Variants in WASL observed in about 807,000 individuals in gnomAD.
The protein encoded by WASL is WASP like actin nucleation promoting factor.
A neutral mutation model predicts 55.5 loss-of-function variants in WASL; 20 were observed. That is an observed-to-expected ratio of 0.36 (90% CI 0.25 to 0.52). The LOEUF (loss-of-function observed/expected upper bound fraction) is 0.52. WASL is among the 20% of genes least tolerant of loss of function. The probability of loss-of-function intolerance (pLI) is 0.92; values close to 1 mark genes in which losing one functional copy is unlikely to be tolerated. For missense variants in WASL, 504 were observed against 622.5 expected, an observed-to-expected ratio of 0.81 and a Z score of 2.03; for synonymous variants, 249 against 217.6, an observed-to-expected ratio of 1.14 and a Z score of -1.27.
chr7:123,719,768 T>C (rs1178320630), intron 1 of WASL, among the ~76,000 whole-genome samples: 5 of 152,158 alleles, frequency 3.3e-5, no homozygotes, highest in Non-Finnish European at 7.4e-5. Context: ...TGCAACATAT[T>C]TTCATACTGT....
intron 10 of WASL, among the ~76,000 whole-genome samples, chr7:123,686,304 T>C (rs1463564945): frequency 5.9e-5 from 9 of 152,086 alleles, no homozygotes; most frequent in Admixed American, 3.9e-4. Flanking sequence ...TGTTTACTCT[T>C]CTAGCAAGGG....
chr7:123,711,557 C>T (rs1803758284), intron 1 of WASL, among the ~76,000 whole-genome samples: 1 of 152,122 alleles, frequency 6.6e-6, no homozygotes, highest in Non-Finnish European at 1.5e-5. Flanking sequence ...ACCACAGCAC[C>T]TTGTAAAGCC....
chr7:123,707,509 C>A (rs995633540), intron 2 of WASL, among the ~76,000 whole-genome samples: 3 of 152,042 alleles, frequency 2.0e-5, no homozygotes, highest in Non-Finnish European at 4.4e-5. Flanking sequence ...AATCTTAATA[C>A]CAAAGGTGAC....
chr7:123,711,643 A>ATAAT (rs1803760088), intron 1 of WASL, among the ~76,000 whole-genome samples: 3 of 152,214 alleles, frequency 2.0e-5, no homozygotes, highest in Admixed American at 2.0e-4. Context: ...AATGCTAGAC[A>ATAAT]ATATAAAAAC....
At chr7:123,745,652 G>A (rs1804418944) in intron 1 of WASL, among the ~76,000 whole-genome samples, 1 of 152,046 alleles carries the variant, frequency 6.6e-6, no homozygotes, top group African/African-American at 2.4e-5. Context: ...AAATAGACAT[G>A]TCCAAGCTTC....
intron 5 of WASL, among the ~76,000 whole-genome samples, chr7:123,697,240 G>C (rs932738077): frequency 6.6e-5 from 10 of 152,086 alleles, no homozygotes; most frequent in Non-Finnish European, 1.3e-4. Context: ...ATTTTTTCCA[G>C]AACTGGCATC....
chr7:123,703,523 T>C (rs1051214447), intron 5 of WASL, among the ~76,000 whole-genome samples: 2 of 152,178 alleles, frequency 1.3e-5, no homozygotes. Context: ...TTAATATTTC[T>C]ATTCAAAAGA....
chr7:123,744,449 T>A (rs1804396690), intron 1 of WASL, among the ~76,000 whole-genome samples: 1 of 151,990 alleles, frequency 6.6e-6, no homozygotes, highest in South Asian at 2.1e-4. Flanking sequence ...ATAAAGTCTA[T>A]CTCCAAGAAT....
intron 8 of WASL, among the ~76,000 whole-genome samples, chr7:123,694,451 A>C (rs1221605548): frequency 6.6e-6 from 1 of 152,202 alleles, no homozygotes; most frequent in Non-Finnish European, 1.5e-5. Context: ...CATTTAGGCA[A>C]CTATAAGTTT....
At chr7:123,712,763 A>G (rs2116794386) in intron 1 of WASL, among the ~76,000 whole-genome samples, 1 of 152,248 alleles carries the variant, frequency 6.6e-6, no homozygotes, top group East Asian at 1.9e-4. Context: ...CAATGGCCCA[A>G]AACTAAGAAA....
chr7:123,713,800 ATCT>A (rs1444020410), intron 1 of WASL, among the ~76,000 whole-genome samples: 44 of 152,204 alleles, frequency 2.9e-4, no homozygotes, highest in African/African-American at 9.6e-4. Context: ...TTACATGCAG[ATCT>A]TCTTCACTAA....
chr7:123,700,274 A>G (rs1178944348), intron 5 of WASL, among the ~76,000 whole-genome samples: 1 of 150,464 alleles, frequency 6.6e-6, no homozygotes, highest in Non-Finnish European at 1.5e-5. Context: ...AATTAGTATT[A>G]GATGGGAAAT....
At position 123,684,555 on chromosome 7, in the gene WASL, TTCA is replaced by T. The variant is rs1562955741; in HGVS notation, c.1479_1481del (p.Asp493del). On this transcript the variant is annotated inframe_deletion, in exon 11 of 11. Coordinates refer to ENST00000223023, the MANE Select transcript of WASL (RefSeq NM_003941.4). ...ACTCATCATCATCCTCAAAATCTTCTTCATCATCTTCATCTTCATCTTCATCTA... is the reference window on the plus strand; with the variant it reads ...ACTCATCATCATCCTCAAAATCTTCTTCATCTTCATCTTCATCTTCATCTA... The T allele has an allele frequency of 7.9e-6, 11 of 1,398,952 alleles. No homozygotes were observed. The Admixed American group carries it at 8.1e-5, about 10-fold the overall frequency. 86.7% of individuals were successfully genotyped at this position (1,398,952 alleles called of 1,614,324 possible).
At chr7:123,710,445 T>A (rs1803736834) in intron 1 of WASL, among the ~76,000 whole-genome samples, 2 of 152,054 alleles carry the variant, frequency 1.3e-5, no homozygotes, top group Non-Finnish European at 2.9e-5. Context: ...AGATATGCTG[T>A]TTTAGGTTTA....
intron 1 of WASL, among the ~76,000 whole-genome samples, chr7:123,725,953 C>A (rs186193789): frequency 1.2e-3 from 178 of 152,216 alleles, no homozygotes; most frequent in African/African-American, 4.2e-3. Flanking sequence ...AGAAGATAAA[C>A]AGATCAGTGT....
At chr7:123,685,536 A>G (rs1250268527) in intron 10 of WASL, among the ~76,000 whole-genome samples, 1 of 152,054 alleles carries the variant, frequency 6.6e-6, no homozygotes, top group Admixed American at 6.6e-5. Context: ...TATGTAAAGT[A>G]TAGCTCTTCC....
chr7:123,730,799 T>C (rs989794202), intron 1 of WASL, among the ~76,000 whole-genome samples: 1 of 152,252 alleles, frequency 6.6e-6, no homozygotes, highest in African/African-American at 2.4e-5. Context: ...ATTTTATTTA[T>C]TTCCAATTTT....
intron 5 of WASL, among the ~76,000 whole-genome samples, chr7:123,698,858 T>C (rs1043047838): frequency 1.3e-5 from 2 of 152,156 alleles, no homozygotes; most frequent in African/African-American, 2.4e-5. Context: ...TTACTGAGAA[T>C]ATCCAGAATG....
At chr7:123,704,526 A>T in intron 5 of WASL, 108 bp downstream of exon 5, 1 of 859,452 alleles carries the variant, frequency 1.2e-6, no homozygotes, top group South Asian at 1.7e-5. Flanking sequence ...TTCCACAAGG[A>T]TTAACATGTA....
Sources: gnomAD v4.1 joint callset for allele counts (sites outside exome capture counted in the v4.1 genomes callset) on GRCh38, gnomAD v4.1.1 for gene constraint, MANE v1.5 for transcripts, NCBI Gene and HGNC (gene_info 2026-07-23, HGNC 2026-07-21) for gene names.